Variants in CYGB observed in about 807,000 individuals in gnomAD.
The protein encoded by CYGB is cytoglobin, also known as histoglobin.
CYGB carries 13 observed loss-of-function variants against 20.7 expected under a neutral mutation model. The ratio of observed to expected loss-of-function variants is 0.63; its 90% CI spans 0.41 to 1.00. The LOEUF is 1.00. Ranked by LOEUF, CYGB falls within the 50% of genes least tolerant of loss-of-function variation. CYGB has a pLI of 0.00. For synonymous variants in CYGB, 93 were observed against 107.4 expected (o/e 0.87, Z 0.83); for missense variants, 218 against 257.2 (o/e 0.85, Z 1.04).
intron 1 of CYGB, among the ~76,000 whole-genome samples, chr17:76,536,724 G>C (rs952498532): frequency 2.0e-5 from 3 of 152,080 alleles, no homozygotes; most frequent in African/African-American, 7.2e-5. Context: ...TTAGGGTTAG[G>C]CCCTGTCTCC....
chr17:76,532,951 T>C (rs1317216553), intron 1 of CYGB, among the ~76,000 whole-genome samples: 1 of 152,058 alleles, frequency 6.6e-6, no homozygotes, highest in Non-Finnish European at 1.5e-5. Context: ...ATGTATGGAG[T>C]GGCCTGGACC....
upstream of CYGB, among the ~76,000 whole-genome samples, chr17:76,540,836 C>A (rs2074983695): frequency 6.6e-6 from 1 of 152,216 alleles, no homozygotes; most frequent in African/African-American, 2.4e-5. This position sits in a 1 kb window ranked among gnomAD's most constrained non-coding sequence, Gnocchi z 5.0. Flanking sequence ...TCCCCCGGGG[C>A]ACCTTCTGTC....
At position 76,530,141 on chromosome 17, in the gene CYGB, C is replaced by T. The variant is rs572295893; in HGVS notation, c.539+838G>A. 4.7e-5 allele frequency: 45 copies of T among 956,020 alleles called. No individual in the cohort carries two copies. Among genetic ancestry groups the T allele is most frequent in the Non-Finnish European group, 5.4e-5 (43 of 803,204 alleles). 59.2% of individuals were successfully genotyped at this position (956,020 alleles called of 1,614,324 possible). A position where few individuals can be genotyped will look rare whatever the true frequency, so the allele number is the denominator to read the frequency against. ...ACCACGGGAATGTTTCTCTACCACG[C>T]GTGTCCCGGGCTGCTGGCTGACCTC... On this transcript the variant is annotated intron_variant, in intron 3 of 3. Transcript: ENST00000293230. This position sits in a 1 kb window ranked among gnomAD's most constrained non-coding sequence, Gnocchi z 6.1.
chr17:76,529,685 T>C (rs2074811676), intron 3 of CYGB: 3 of 985,272 alleles, frequency 3.0e-6, no homozygotes, highest in Non-Finnish European at 3.6e-6. Flanking sequence ...CCTCTTCCCC[T>C]GTCTTTTCCC....
At chr17:76,544,962 C>A (rs561866680) in intron 1 of CYGB, 1 of 453,182 alleles carries the variant, frequency 2.2e-6, no homozygotes, top group Admixed American at 2.4e-5. Context: ...AGAGGAAGGG[C>A]GGGAAAAAGA....
intron 1 of CYGB, among the ~76,000 whole-genome samples, chr17:76,534,963 A>G (rs4647879): frequency 0.76 from 115,418 of 152,194 alleles, 43,969 homozygotes; most frequent in South Asian, 0.88. Flanking sequence ...AGGAGCCTCC[A>G]CAGCCAGCCC....
chr17:76,543,243 G>C (rs918235193), intron 1 of CYGB: 7 of 368,412 alleles, frequency 1.9e-5, no homozygotes, highest in African/African-American at 1.5e-4. Flanking sequence ...CGCTGCTCTC[G>C]GACGGGCTTC....
chr17:76,529,115 C>T, intron 3 of CYGB: 1 of 980,454 alleles, frequency 1.0e-6, no homozygotes, highest in Non-Finnish European at 1.2e-6. Context: ...AACAGTGGCG[C>T]CTGGCCCACC....
chr17:76,548,535 C>A (rs2075078652), intron 1 of CYGB, among the ~76,000 whole-genome samples: 1 of 152,250 alleles, frequency 6.6e-6, no homozygotes, highest in African/African-American at 2.4e-5. Flanking sequence ...CAGCCCAACC[C>A]TGCCTGTCCC....
At chr17:76,543,332 A>G in intron 1 of CYGB, 1 of 343,790 alleles carries the variant, frequency 2.9e-6, no homozygotes. Flanking sequence ...TGCTGGGTCC[A>G]CCAGGCTAAT....
intron 1 of CYGB, among the ~76,000 whole-genome samples, chr17:76,548,461 A>ACT (rs2075077975): frequency 6.6e-6 from 1 of 152,230 alleles, no homozygotes. Context: ...ACTCGAGGAG[A>ACT]GACAGACCCT....
At chr17:76,544,618 T>C (rs1369477499) in intron 1 of CYGB, 1 of 456,800 alleles carries the variant, frequency 2.2e-6, no homozygotes, top group Non-Finnish European at 4.4e-6. Flanking sequence ...CGTGATCGCC[T>C]GTCTCAGCTC....
upstream of CYGB, chr17:76,537,752 G>T: frequency 4.9e-6 from 1 of 203,358 alleles, no homozygotes; most frequent in South Asian, 1.6e-4. Flanking sequence ...CGGGGGGCGG[G>T]GGACAGCCAG....
chr17:76,531,429 TG>T lies in CYGB; in HGVS notation c.375+30del. 6.3e-7 allele frequency: 1 copy of T among 1,590,498 alleles called. No individual in the cohort carries two copies. The highest frequency in any genetic ancestry group is 1.7e-4 in the Middle Eastern group (1 of 5,976). On this transcript the variant is annotated intron_variant, in intron 2 of 3. Transcript: ENST00000293230. This position sits in a 1 kb window ranked among gnomAD's most constrained non-coding sequence, Gnocchi z 7.4. The stretch of plus-strand genomic sequence containing the variant: ...GCAGATGGCCATGACGCGTGGGCGG[TG>T]GGGGCTCTGCAGCAGATGGGGGCGC...
Position 76,531,418 on chromosome 17 carries a change from C to G in CYGB, c.375+42G>C. On this transcript the variant is annotated intron_variant, in intron 2 of 3. Transcript: ENST00000293230. The surrounding 1 kb of genome is among the most constrained non-coding windows in gnomAD (Gnocchi z 7.4). Reference sequence around the variant, plus strand: ...GCCTGCGAGCTGCAGATGGCCATGACGCGTGGGCGGTGGGGGCTCTGCAGC... The same window carrying G: ...GCCTGCGAGCTGCAGATGGCCATGAGGCGTGGGCGGTGGGGGCTCTGCAGC... 6.3e-7 allele frequency: 1 copy of G among 1,582,820 alleles called. No homozygotes were observed.
chr17:76,539,983 G>A (rs1350636183), upstream of CYGB: 4 of 722,188 alleles, frequency 5.5e-6, no homozygotes, highest in African/African-American at 1.8e-5. Flanking sequence ...ACAAGGTCGG[G>A]GCCGCTGACC....
rs1290596874 is a variant in CYGB at position 76,533,589 on chromosome 17, G to A, written c.144-1898C>T. On this transcript the variant is annotated intron_variant, in intron 1 of 3. Transcript: ENST00000293230. This position sits in a 1 kb window ranked among gnomAD's most constrained non-coding sequence, Gnocchi z 4.5. Reference sequence around the variant, plus strand: ...ATACAAAAAATTAGCCAGGTGTGGTGGCACACACCTTTGATTCCAGCTACT... The same window carrying A: ...ATACAAAAAATTAGCCAGGTGTGGTAGCACACACCTTTGATTCCAGCTACT... Among the ~76,000 whole-genome samples the A allele has an allele frequency of 6.6e-6, 1 of 152,016 alleles. No individual in the cohort carries two copies. The highest frequency in any genetic ancestry group is 1.5e-5 in the Non-Finnish European group (1 of 68,004).
chr17:76,534,146 T>TCTCTC (rs2074885915), intron 1 of CYGB, among the ~76,000 whole-genome samples: 9 of 129,014 alleles, frequency 7.0e-5, no homozygotes, highest in South Asian at 5.6e-4. Context: ...CTCTTTCTCT[T>TCTCTC]TCTCTCTCTC....
At chr17:76,544,198 C>T (rs1400407118) in intron 1 of CYGB, 11 of 454,436 alleles carry the variant, frequency 2.4e-5, no homozygotes, top group Non-Finnish European at 4.0e-5. Context: ...AAAAACCCCC[C>T]GTGCCTCTGT....
Sources: gnomAD v4.1 joint callset for allele counts (sites outside exome capture counted in the v4.1 genomes callset) on GRCh38, gnomAD v4.1.1 for gene constraint, Gnocchi (gnomAD v3.1) non-coding constraint, MANE v1.5 for transcripts, NCBI Gene and HGNC (gene_info 2026-07-23, HGNC 2026-07-21) for gene names.